Variants in MRPS25 observed in about 807,000 individuals in gnomAD.
The protein encoded by MRPS25 is small ribosomal subunit protein mS25.
In MRPS25, 15 loss-of-function variants were observed where a neutral mutation model predicts 17.3. That is an observed-to-expected ratio of 0.87 (90% confidence interval 0.58 to 1.34). The LOEUF is 1.34. Among genes scored for constraint, MRPS25 ranks in the 40% most tolerant of loss-of-function variants. MRPS25 has a pLI of 0.00. For missense variants in MRPS25, 225 were observed against 218.6 expected (o/e 1.03, Z -0.19); for synonymous variants, 94 against 83.3 (o/e 1.13, Z -0.70).
rs1575065171 is a variant in MRPS25, at chr3:15,050,438, G to A, written c.*2003C>T. ...TAGCAGCCTCTTTGGGCCCTAGAGGGAAGGAATACTCTCATAAGGCTTTGT... is the reference window on the plus strand; with the variant it reads ...TAGCAGCCTCTTTGGGCCCTAGAGGAAAGGAATACTCTCATAAGGCTTTGT... On this transcript the variant is annotated 3_prime_UTR_variant, in exon 4 of 4. Transcript: ENST00000253686. 1.0e-6 allele frequency: 1 copy of A among 998,462 alleles called. No homozygotes were observed. The highest frequency in any genetic ancestry group is 1.2e-6 in the Non-Finnish European group (1 of 839,560). The allele number at this position is 998,462 out of a possible 1,614,324, so 61.9% of individuals were successfully genotyped here.
chr3:15,057,131 G>A (rs986438430), intron 2 of MRPS25, among the ~76,000 whole-genome samples: 2 of 152,234 alleles, frequency 1.3e-5, no homozygotes, highest in African/African-American at 4.8e-5. Context: ...TGACAGCCCT[G>A]TGGAGTACTG....
At position 15,065,219 on chromosome 3, in the gene MRPS25, C is replaced by A; in HGVS notation, c.-25G>T. 2 of 1,561,970 alleles carry A rather than the reference C, an allele frequency of 1.3e-6. No individual in the cohort carries two copies. Among genetic ancestry groups the A allele is most frequent in the Non-Finnish European group, 1.7e-6 (2 of 1,156,610 alleles). On this transcript the variant is annotated 5_prime_UTR_variant, in exon 1 of 4. Transcript: ENST00000253686. ...TGGCGGCAACGGTGGCGGGGCCGAC[C>A]CCACGGGCCGCGAGCCGAGCAGCGA...
intron 3 of MRPS25, 46 bp downstream of exon 3, chr3:15,053,334 C>A: frequency 6.2e-7 from 1 of 1,613,592 alleles, no homozygotes; most frequent in Non-Finnish European, 8.5e-7. Flanking sequence ...CTCAAATTCT[C>A]TGGGCTGAGA....
At position 15,059,417 on chromosome 3, in the gene MRPS25, T is replaced by G; in HGVS notation, c.193A>C (p.Met65Leu). The stretch of plus-strand genomic sequence containing the variant: ...GACGGCGTCATGTTCTTAAACATCA[T>G]GATCTGCACCCAAGGGTTTTTGTAT... ...IQYKNPWVQIMMFKNMTPSPF... is the reference protein window; with the variant it reads ...IQYKNPWVQILMFKNMTPSPF... Residue 65 changes from methionine (M) to leucine (L), a missense_variant, in exon 2 of 4, where the codon ATG becomes CTG. Coordinates refer to ENST00000253686, the MANE Select transcript of MRPS25 (RefSeq NM_022497.5). The G allele has an allele frequency of 5.0e-6, 8 of 1,613,868 alleles. No homozygotes were observed. The highest frequency in any genetic ancestry group is 6.8e-6 in the Non-Finnish European group (8 of 1,179,828).
downstream of MRPS25, chr3:15,043,774 C>G (rs2125108799): frequency 6.6e-6 from 1 of 152,374 alleles, no homozygotes; most frequent in Non-Finnish European, 1.5e-5. Context: ...TGATGGGCAT[C>G]TGCAGACTCC....
At position 15,053,407 on chromosome 3, in the gene MRPS25, T is replaced by C. The variant is rs2042631539; in HGVS notation, c.302A>G (p.His101Arg). 12 of 1,614,100 alleles carry C rather than the reference T, an allele frequency of 7.4e-6. No individual in the cohort carries two copies. Among genetic ancestry groups the C allele is most frequent in the Non-Finnish European group, 1.0e-5 (12 of 1,180,048 alleles). ...ETKSNKEIME[H>R]IRKILGKNEE... ...ATTCTTCCCCAAGATTTTTCTGATG[T>C]GCTCCATGATCTCCTTATTGCTCTT... The change falls in exon 3 of 4, where the codon CAC becomes CGC. Residue 101 changes from histidine (H) to arginine (R), a missense_variant. By Grantham distance (29) the His-to-Arg change is conservative. Coordinates refer to ENST00000253686, the MANE Select transcript of MRPS25 (RefSeq NM_022497.5).
downstream of MRPS25, chr3:15,043,204 T>C (rs569534127): frequency 1.7e-4 from 71 of 410,292 alleles, 5 homozygotes; most frequent in South Asian, 2.4e-3. Context: ...AAGAAATGTT[T>C]TAATGCCTTT....
At chr3:15,062,031 T>C (rs1282651584) in intron 1 of MRPS25, among the ~76,000 whole-genome samples, 10 of 145,408 alleles carry the variant, frequency 6.9e-5, no homozygotes, top group Non-Finnish European at 1.4e-4. Context: ...AGCCGCCCCG[T>C]CCGGGAGGGA....
At chr3:15,059,694 C>T (rs2042722977) in intron 1 of MRPS25, among the ~76,000 whole-genome samples, 1 of 152,138 alleles carries the variant, frequency 6.6e-6, no homozygotes, top group South Asian at 2.1e-4. Context: ...GTATCCCAAC[C>T]TGTACTGCAA....
chr3:15,043,570 A>C (rs1292999168), downstream of MRPS25: 1 of 152,714 alleles, frequency 6.5e-6, no homozygotes, highest in Non-Finnish European at 1.5e-5. Context: ...TTTATGTTTA[A>C]GAAAAGAAGG....
chr3:15,062,760 T>C (rs2125138886), intron 1 of MRPS25, among the ~76,000 whole-genome samples: 1 of 152,304 alleles, frequency 6.6e-6, no homozygotes, highest in East Asian at 1.9e-4. Context: ...TGTTGATCTG[T>C]GACCTTACCC....
downstream of MRPS25, chr3:15,043,444 A>G (rs779158053): frequency 3.3e-5 from 5 of 152,966 alleles, no homozygotes; most frequent in Non-Finnish European, 5.9e-5. Flanking sequence ...GCACTTATCA[A>G]TGTGTAACGT....
chr3:15,049,604 GGCCTTAAATT>G lies in MRPS25; in HGVS notation c.*2827_*2836del. ...GAACATTCAGATGCCATTACAGACAGGCCTTAAATTGGCAAGCTTATTCTCTAAGGATACG... is the reference window on the plus strand; with the variant it reads ...GAACATTCAGATGCCATTACAGACAGGGCAAGCTTATTCTCTAAGGATACG... On this transcript the variant is annotated 3_prime_UTR_variant, in exon 4 of 4. Transcript: ENST00000253686. 2.1e-6 allele frequency: 1 copy of G among 466,684 alleles called. No homozygotes were observed. The highest frequency in any genetic ancestry group is 3.7e-6 in the Non-Finnish European group (1 of 267,442). 28.9% of individuals were successfully genotyped at this position (466,684 alleles called of 1,614,324 possible). A position where few individuals can be genotyped will look rare whatever the true frequency, so the allele number is the denominator to read the frequency against.
At position 15,065,059 on chromosome 3, in the gene MRPS25, ACCTGGCGCCCT is replaced by A. The variant is rs1422217207; in HGVS notation, c.125_134+1del. The A allele has an allele frequency of 6.3e-7, 1 of 1,580,384 alleles. No homozygotes were observed. Among genetic ancestry groups the A allele is most frequent in the Non-Finnish European group, 8.6e-7 (1 of 1,166,962 alleles). ...CGCCAGGCGGCCGGGGCTGCGACTG[ACCTGGCGCCCT>A]CGCCCAGCTCCCCATGCGTGTTGTA... is the stretch of plus-strand genomic sequence containing the variant. On this transcript the variant is annotated splice_donor_variant and coding_sequence_variant, in exon 1 of 4. Transcript: ENST00000253686. LOFTEE classifies it high-confidence loss of function.
Position 15,051,659 on chromosome 3 carries a change from G to GGAGCCAGAA in MRPS25, c.*781_*782insTTCTGGCTC, listed in dbSNP as rs1006566643. 4.1e-6 allele frequency: 4 copies of GGAGCCAGAA among 985,760 alleles called. No homozygotes were observed. In the African/African-American group the frequency reaches 7.0e-5, roughly 17 times the overall value. The allele number at this position is 985,760 out of a possible 1,614,324, so 61.1% of individuals were successfully genotyped here. ...CAGAGCTTGGTAAGCAGGGCCTGAG[G>GGAGCCAGAA]GAGCCAGCAGAGCCAGCTATAGACA... On this transcript the variant is annotated 3_prime_UTR_variant, in exon 4 of 4. Coordinates refer to ENST00000253686, the MANE Select transcript of MRPS25 (RefSeq NM_022497.5).
chr3:15,065,087 C>T lies in MRPS25; in HGVS notation c.108G>A (p.Thr36=), dbSNP rs890967112. The change falls in exon 1 of 4, where the codon ACG becomes ACA. Residue 36 remains threonine (T), a synonymous_variant. Transcript: ENST00000253686. Reference sequence around the variant, plus strand: ...TGGCGCCCTCGCCCAGCTCCCCATGCGTGTTGTAATTCACTGTCATGACCT... The same window carrying T: ...TGGCGCCCTCGCCCAGCTCCCCATGTGTGTTGTAATTCACTGTCATGACCT... ...SVKVMTVNYN[T]HGELGEGARK... The T allele has an allele frequency of 2.2e-5, 36 of 1,604,606 alleles. No individual in the cohort carries two copies. The highest frequency in any genetic ancestry group is 2.9e-5 in the Non-Finnish European group (34 of 1,176,294).
At chr3:15,064,957 C>A in intron 1 of MRPS25, 104 bp downstream of exon 1, 1 of 1,437,000 alleles carries the variant, frequency 7.0e-7, no homozygotes, top group Non-Finnish European at 9.3e-7. Context: ...GGGGCCCGCC[C>A]CGGGGATGAA....
At chr3:15,056,606 G>A (rs933331476) in intron 2 of MRPS25, among the ~76,000 whole-genome samples, 3 of 152,224 alleles carry the variant, frequency 2.0e-5, no homozygotes, top group Admixed American at 6.5e-5. Flanking sequence ...TGGCTTTGAA[G>A]ATGGTAGAAT....
In MRPS25 at chr3:15,050,497, G is replaced by C. The variant is rs1342896379; in HGVS notation, c.*1944C>G. The C allele has an allele frequency of 2.0e-6, 2 of 985,892 alleles. No individual in the cohort carries two copies. Among genetic ancestry groups the C allele is most frequent in the Non-Finnish European group, 2.4e-6 (2 of 830,414 alleles). The allele number at this position is 985,892 out of a possible 1,614,324, so 61.1% of individuals were successfully genotyped here. A position where few individuals can be genotyped will look rare whatever the true frequency, so the allele number is the denominator to read the frequency against. On this transcript the variant is annotated 3_prime_UTR_variant, in exon 4 of 4. Coordinates refer to ENST00000253686, the MANE Select transcript of MRPS25 (RefSeq NM_022497.5). The stretch of plus-strand genomic sequence containing the variant: ...AGCTATGGAGACCTACACTGCAGAT[G>C]AAAGCCAAAAGGAACTAGGTGCTTT...
Sources: allele counts gnomAD v4.1 joint callset (sites outside exome capture counted in the v4.1 genomes callset), GRCh38; gene constraint gnomAD v4.1.1; transcripts MANE v1.5; gene names NCBI Gene and HGNC (gene_info 2026-07-23, HGNC 2026-07-21).